The following SMAD7 variants were observed in gnomAD, a reference collection of about 807,000 sequenced individuals.
The protein encoded by SMAD7 is MAD (mothers against decapentaplegic, Drosophila) homolog 7.
SMAD7 carries 8 observed loss-of-function variants against 38.7 expected under a neutral mutation model. The ratio of observed to expected loss-of-function variants is 0.21; its 90% confidence interval spans 0.12 to 0.37. SMAD7 has a LOEUF of 0.37. SMAD7 is among the 10% of genes least tolerant of loss of function. The pLI is 1.00. For missense variants in SMAD7, 477 were observed against 577.9 expected (o/e 0.83, Z 1.79); for synonymous variants, 327 against 265.1 (o/e 1.23, Z -2.27).
intron 3 of SMAD7, among the ~76,000 whole-genome samples, chr18:48,931,146 T>C (rs1407125867): frequency 6.6e-6 from 1 of 152,006 alleles, no homozygotes; most frequent in Non-Finnish European, 1.5e-5. Context: ...GAATGGTGGG[T>C]GCCAAGTGCT....
At chr18:48,945,354 C>G (rs904007559) in intron 2 of SMAD7, among the ~76,000 whole-genome samples, 1 of 152,012 alleles carries the variant, frequency 6.6e-6, no homozygotes, top group Non-Finnish European at 1.5e-5. Context: ...CCCAGCTGCT[C>G]GGGAGGCTGA....
intron 2 of SMAD7, among the ~76,000 whole-genome samples, chr18:48,947,105 G>C (rs926513752): frequency 1.3e-5 from 2 of 152,194 alleles, no homozygotes; most frequent in African/African-American, 4.8e-5. Context: ...GGTAATTCCA[G>C]TTAACGTTTG....
chr18:48,950,214 C>A lies in SMAD7; in HGVS notation c.211G>T (p.Gly71Cys), dbSNP rs975493512. Reference protein sequence around the residue: ...CLGKAVRGAKGHHHPHPPAAG... With the variant: ...CLGKAVRGAKCHHHPHPPAAG... The stretch of plus-strand genomic sequence containing the variant: ...GCTGGCGGGTGGGGATGGTGGTGAC[C>A]TTTGGCACCTCGCACCGCCTTGCCC... The change falls in exon 1 of 4, where the codon GGT (glycine) becomes TGT (cysteine). Residue 71 changes from glycine to cysteine, a missense_variant. This residue lies in a region of SMAD7 where 376 missense variants were observed against 379.4 expected (regional missense o/e 0.99). Transcript: ENST00000262158. 4 of 1,502,102 alleles carry A rather than the reference C, an allele frequency of 2.7e-6. No homozygotes were observed. The highest frequency in any genetic ancestry group is 3.5e-6 in the Non-Finnish European group (4 of 1,130,172). The allele number at this position is 1,502,102 out of a possible 1,614,324, so 93.0% of individuals were successfully genotyped here.
chr18:48,931,992 G>T (rs1374433748), intron 3 of SMAD7, among the ~76,000 whole-genome samples: 1 of 152,222 alleles, frequency 6.6e-6, no homozygotes, highest in Non-Finnish European at 1.5e-5. Context: ...CCCCCAGCAG[G>T]GTTTTGATTG....
At chr18:48,931,984 C>CG (rs996550654) in intron 3 of SMAD7, among the ~76,000 whole-genome samples, 6 of 152,110 alleles carry the variant, frequency 3.9e-5, no homozygotes, top group African/African-American at 1.4e-4. Context: ...AAACAGCCCC[C>CG]CCAGCAGGGT....
chr18:48,939,546 C>T (rs934201054), intron 3 of SMAD7, among the ~76,000 whole-genome samples: 4 of 151,900 alleles, frequency 2.6e-5, no homozygotes, highest in African/African-American at 7.3e-5. Context: ...CAGGAGAGGA[C>T]CGGCCTTTGA....
At chr18:48,924,756 A>G (rs1416753568) in intron 3 of SMAD7, among the ~76,000 whole-genome samples, 2 of 152,134 alleles carry the variant, frequency 1.3e-5, no homozygotes, top group African/African-American at 4.8e-5. Context: ...CCGTTAGGAC[A>G]GCTCCAGTCT....
Position 48,921,542 on chromosome 18 carries a change from A to G in SMAD7, c.1111T>C (p.Tyr371His). 1 of 1,614,234 alleles carries G rather than the reference A, an allele frequency of 6.2e-7. No homozygotes were observed. The highest frequency in any genetic ancestry group is 8.5e-7 in the Non-Finnish European group (1 of 1,180,050). The change falls in exon 4 of 4, where the codon TAC (tyrosine) becomes CAC (histidine). Residue 371 changes from tyrosine to histidine, a missense_variant. Physicochemically the swap from Tyr to His is moderately conservative, Grantham distance 83. Transcript: ENST00000262158. The surrounding 1 kb of genome is among the most constrained non-coding windows in gnomAD (Gnocchi z 6.4). ...CGCTGCAGGCTGTACGCCTTCTCGT[A>G]GTCGAAAGCCTTGATGGAGAAACCG... ...FPGFSIKAFD[Y>H]EKAYSLQRPN...
intron 3 of SMAD7, among the ~76,000 whole-genome samples, chr18:48,941,052 G>C (rs911811243): frequency 1.6e-4 from 25 of 152,026 alleles, no homozygotes; most frequent in Admixed American, 1.1e-3. Flanking sequence ...GCACATTCAG[G>C]GTTTAAAAAA....
chr18:48,948,430 G>T lies in SMAD7; in HGVS notation c.621C>A (p.Pro207=). 6.3e-7 allele frequency: 1 copy of T among 1,594,534 alleles called. No homozygotes were observed. The part of the protein sequence containing the change: ...HLSRLCELES[P]PPPYSRYPMD... ...TCGGGTATCTGGAGTAAGGAGGGGG[G>T]GGAGACTCTGAAATTAAAAAAGCAA... The change falls in exon 2 of 4, where the codon CCC becomes CCA. Residue 207 remains proline, a synonymous_variant. Coordinates refer to ENST00000262158, the MANE Select transcript of SMAD7 (RefSeq NM_005904.4).
intron 3 of SMAD7, among the ~76,000 whole-genome samples, chr18:48,936,265 T>C (rs2070064914): frequency 6.6e-6 from 1 of 152,224 alleles, no homozygotes; most frequent in South Asian, 2.1e-4. Context: ...TCTCCAATTT[T>C]ACTCTCCACA....
intron 3 of SMAD7, among the ~76,000 whole-genome samples, chr18:48,933,178 C>A (rs1034138502): frequency 1.4e-4 from 22 of 152,122 alleles, no homozygotes; most frequent in African/African-American, 5.1e-4. Flanking sequence ...CTCAACAGAC[C>A]ACACAACCAA....
chr18:48,950,531 C>CG lies in SMAD7; in HGVS notation c.-108dup. ...GCCGAGTTGGGGCAGCAGGCGCAGG[C>CG]GACAGCAGCAGCAGCAGGGGCCCGG... On this transcript the variant is annotated 5_prime_UTR_variant, in exon 1 of 4. Transcript: ENST00000262158. 8.7e-7 allele frequency: 1 copy of CG among 1,149,242 alleles called. No homozygotes were observed. The allele number at this position is 1,149,242 out of a possible 1,614,324, so 71.2% of individuals were successfully genotyped here. A position where few individuals can be genotyped will look rare whatever the true frequency, so the allele number is the denominator to read the frequency against.
chr18:48,939,617 C>T (rs1411629289), intron 3 of SMAD7, among the ~76,000 whole-genome samples: 1 of 151,586 alleles, frequency 6.6e-6, no homozygotes, highest in Non-Finnish European at 1.5e-5. Context: ...TTTTCTTTCC[C>T]TTCTTCCCTT....
intron 3 of SMAD7, among the ~76,000 whole-genome samples, chr18:48,939,680 C>T (rs2070114726): frequency 6.6e-6 from 1 of 151,834 alleles, no homozygotes; most frequent in East Asian, 1.9e-4. Context: ...CCACCCTAAA[C>T]TGAGCCCCAT....
In SMAD7 at chr18:48,920,011, T is replaced by G. The variant is rs914917289; in HGVS notation, c.*1361A>C. On this transcript the variant is annotated 3_prime_UTR_variant, in exon 4 of 4. Transcript: ENST00000262158. ...ATTTATATTAAAGCAAAGTGCATCT[T>G]TTCTTTATTTTTCTTGTTTATACAC... 4.6e-5 allele frequency: 7 copies of G among 152,400 alleles called. No individual in the cohort carries two copies. Among genetic ancestry groups the G allele is most frequent in the Admixed American group, 3.9e-4 (6 of 15,266 alleles). 9.4% of individuals were successfully genotyped at this position (152,400 alleles called of 1,614,324 possible).
intron 3 of SMAD7, among the ~76,000 whole-genome samples, chr18:48,940,789 G>A (rs931855160): frequency 6.8e-6 from 1 of 146,778 alleles, no homozygotes; most frequent in Non-Finnish European, 1.5e-5. Context: ...CAGCCTGGGC[G>A]ACAGAGCGAG....
Position 48,950,227 on chromosome 18 carries a change from C to T in SMAD7, c.198G>A (p.Val66=). 6.7e-7 allele frequency: 1 copy of T among 1,501,942 alleles called. No individual in the cohort carries two copies. The highest frequency in any genetic ancestry group is 1.2e-5 in the South Asian group (1 of 80,160). The allele number at this position is 1,501,942 out of a possible 1,614,324, so 93.0% of individuals were successfully genotyped here. The change falls in exon 1 of 4, where the codon GTG becomes GTA. Residue 66 remains valine, a synonymous_variant. Transcript: ENST00000262158. ...GATGGTGGTGACCTTTGGCACCTCGCACCGCCTTGCCCAGGCAGCATCCAG... is the reference window on the plus strand; with the variant it reads ...GATGGTGGTGACCTTTGGCACCTCGTACCGCCTTGCCCAGGCAGCATCCAG... ...GRAGCCLGKA[V]RGAKGHHHPH...
intron 3 of SMAD7, among the ~76,000 whole-genome samples, chr18:48,941,670 G>A (rs960413478): frequency 4.6e-5 from 7 of 152,222 alleles, no homozygotes; most frequent in Non-Finnish European, 8.8e-5. Flanking sequence ...ATCTAGTGAT[G>A]ACATGGTGGG....
Sources: allele counts gnomAD v4.1 joint callset (sites outside exome capture counted in the v4.1 genomes callset), GRCh38; gene constraint gnomAD v4.1.1; regional missense constraint gnomAD v4.1.1; non-coding constraint Gnocchi (gnomAD v3.1); transcripts MANE v1.5; gene names NCBI Gene and HGNC (gene_info 2026-07-23, HGNC 2026-07-21).